The following AKR1E2 variants were observed in gnomAD, a reference collection of about 807,000 sequenced individuals.
AKR1E2 encodes aldo-keto reductase family 1 member E2.
Under a neutral mutation model 41.9 loss-of-function variants are expected in AKR1E2, and 43 were observed. The ratio of observed to expected loss-of-function variants is 1.03; its 90% CI spans 0.80 to 1.32. AKR1E2 has a LOEUF of 1.32. Ranked by LOEUF, AKR1E2 falls within the 40% of genes most tolerant of loss-of-function variation. The probability of loss-of-function intolerance (pLI) is 0.00; values close to 1 mark genes in which losing one functional copy is unlikely to be tolerated. For synonymous variants in AKR1E2, 121 were observed against 138.9 expected, an observed-to-expected ratio of 0.87 and a Z score of 0.91; for missense variants, 423 against 396.5, an observed-to-expected ratio of 1.07 and a Z score of -0.57.
At chr10:4,856,923 C>G in the AKR1E2 span, among the ~76,000 whole-genome samples, 1 of 152,086 alleles carries the variant, frequency 6.6e-6, no homozygotes, top group Non-Finnish European at 1.5e-5. Flanking sequence ...TGTTGTGCAA[C>G]CATCACCATC....
the AKR1E2 span, among the ~76,000 whole-genome samples, chr10:4,869,231 T>G: frequency 6.6e-6 from 1 of 152,194 alleles, no homozygotes; most frequent in Non-Finnish European, 1.5e-5. Flanking sequence ...TCAAATGATC[T>G]ATTTTATGTT....
the AKR1E2 span, among the ~76,000 whole-genome samples, chr10:4,869,872 C>T: frequency 0.22 from 33,073 of 151,674 alleles, 3,810 homozygotes; most frequent in Middle Eastern, 0.34. Flanking sequence ...TAACATACTC[C>T]GTATAATTTC....
chr10:4,858,884 C>T, the AKR1E2 span, among the ~76,000 whole-genome samples: 5 of 142,412 alleles, frequency 3.5e-5, no homozygotes, highest in South Asian at 2.2e-4. Flanking sequence ...AGTACAGTGG[C>T]GTGATCTCAG....
At chr10:4,854,645 G>C in the AKR1E2 span, among the ~76,000 whole-genome samples, 1 of 152,118 alleles carries the variant, frequency 6.6e-6, no homozygotes, top group Admixed American at 6.5e-5. Context: ...ATACTGAGGA[G>C]ACCTCCCACC....
intron 6 of AKR1E2, 97 bp downstream of exon 6, chr10:4,839,923 G>A: frequency 8.8e-7 from 1 of 1,132,134 alleles, no homozygotes; most frequent in Non-Finnish European, 1.3e-6. Flanking sequence ...GCTTAATGGA[G>A]GTTTTGACAG....
chr10:4,859,600 C>T, the AKR1E2 span, among the ~76,000 whole-genome samples: 2 of 152,204 alleles, frequency 1.3e-5, no homozygotes, highest in Admixed American at 1.3e-4. Context: ...GGATACAATT[C>T]TGCCCGCACT....
rs74694606 is a variant in AKR1E2 at position 4,843,727 on chromosome 10, A to C, written c.837+1223A>C. On this transcript the variant is annotated intron_variant, in intron 8 of 9. Transcript: ENST00000298375. ...CTGCCATTGGCAGGAGAGGCAGGCC[A>C]CCCACGATGGGAGGACCAGGGGATG... 4.1e-4 allele frequency among the ~76,000 whole-genome samples: 63 copies of C among 152,300 alleles called. No homozygotes were observed. The South Asian group carries it at 0.013, about 31-fold the overall frequency.
chr10:4,847,043 T>C lies in AKR1E2; in HGVS notation c.838-105T>C, dbSNP rs1378344430. The C allele has an allele frequency of 1.7e-5, 21 of 1,243,064 alleles. No individual in the cohort carries two copies. In the Admixed American group the frequency reaches 4.0e-4, roughly 24 times the overall value. 77.0% of individuals were successfully genotyped at this position (1,243,064 alleles called of 1,614,324 possible). A position where few individuals can be genotyped will look rare whatever the true frequency, so the allele number is the denominator to read the frequency against. The stretch of plus-strand genomic sequence containing the variant: ...TGTCTGATGAAGTGTTTGTTTTACA[T>C]CTTTGTGTCCCTTGCAGGTCTAGCA... On this transcript the variant is annotated intron_variant, in intron 8 of 9. Coordinates refer to ENST00000298375, the MANE Select transcript of AKR1E2 (RefSeq NM_001040177.3).
chr10:4,825,101 C>T (rs540081783), upstream of AKR1E2: 38 of 437,824 alleles, frequency 8.7e-5, no homozygotes, highest in South Asian at 3.5e-4. Flanking sequence ...CCCCTTCCCA[C>T]CTGTGAGGAG....
intron 1 of AKR1E2, 121 bp from the exon 2 acceptor site, chr10:4,830,554 A>T: frequency 9.3e-7 from 1 of 1,073,506 alleles, no homozygotes; most frequent in Non-Finnish European, 1.4e-6. Flanking sequence ...TGATTATACT[A>T]GTACCAAATT....
the AKR1E2 span, among the ~76,000 whole-genome samples, chr10:4,854,601 A>G: frequency 2.0e-5 from 3 of 152,106 alleles, no homozygotes; most frequent in Admixed American, 1.3e-4. Flanking sequence ...GGTGGGGTCC[A>G]GTAACATTTT....
chr10:4,858,707 A>G, the AKR1E2 span, among the ~76,000 whole-genome samples: 1 of 152,124 alleles, frequency 6.6e-6, no homozygotes, highest in Non-Finnish European at 1.5e-5. Flanking sequence ...GCACTAGGGG[A>G]GTAGCAATTC....
At chr10:4,861,890 C>A in the AKR1E2 span, among the ~76,000 whole-genome samples, 1 of 152,112 alleles carries the variant, frequency 6.6e-6, no homozygotes, top group South Asian at 2.1e-4. Context: ...TGCCTGTTCA[C>A]TCTGATGGTA....
At chr10:4,847,392 C>A (rs1834412056) in intron 9 of AKR1E2, 96 bp from the exon 10 acceptor site, 2 of 1,529,012 alleles carry the variant, frequency 1.3e-6, no homozygotes, top group East Asian at 4.6e-5. Context: ...TAATTTCATG[C>A]ACTGGGGAGT....
At position 4,826,306 on chromosome 10, in the gene AKR1E2, G is replaced by GGGGCGGCC. The variant is rs1244656245; in HGVS notation, c.-16_-9dup. On this transcript the variant is annotated 5_prime_UTR_variant, in exon 1 of 10. Transcript: ENST00000298375. Reference sequence around the variant, plus strand: ...GTCGCGTGCGGGGCGGCGGGGCGGCGGGGCGGCCGGCGGCGGCCATGGGAG... The same window carrying GGGGCGGCC: ...GTCGCGTGCGGGGCGGCGGGGCGGCGGGGCGGCCGGGCGGCCGGCGGCGGCCATGGGAG... 4.9e-6 allele frequency: 6 copies of GGGGCGGCC among 1,232,524 alleles called. 1 individual carries two copies. Among genetic ancestry groups the GGGGCGGCC allele is most frequent in the African/African-American group, 1.6e-5 (1 of 64,066 alleles). The allele number at this position is 1,232,524 out of a possible 1,614,324, so 76.3% of individuals were successfully genotyped here.
upstream of AKR1E2, among the ~76,000 whole-genome samples, chr10:4,825,932 G>A (rs995894478): frequency 6.6e-6 from 1 of 152,210 alleles, no homozygotes; most frequent in Non-Finnish European, 1.5e-5. Flanking sequence ...CTAAGGTGGG[G>A]GCGTGAGCGG....
the AKR1E2 span, among the ~76,000 whole-genome samples, chr10:4,860,033 T>C: frequency 4.6e-5 from 7 of 152,322 alleles, no homozygotes; most frequent in Non-Finnish European, 1.0e-4. Flanking sequence ...CCAGTGTCTG[T>C]CTATCTATTG....
chr10:4,841,348 A>G (rs1833855656), intron 6 of AKR1E2, among the ~76,000 whole-genome samples: 1 of 152,214 alleles, frequency 6.6e-6, no homozygotes, highest in African/African-American at 2.4e-5. Flanking sequence ...CCACGTGTTC[A>G]CAATATTCAC....
chr10:4,872,842 G>A, the AKR1E2 span, among the ~76,000 whole-genome samples: 1 of 152,164 alleles, frequency 6.6e-6, no homozygotes, highest in South Asian at 2.1e-4. Flanking sequence ...TAGAGAGAAA[G>A]GCTCTTCTAG....
Sources: gnomAD v4.1 joint callset for allele counts (sites outside exome capture counted in the v4.1 genomes callset) on GRCh38, gnomAD v4.1.1 for gene constraint, MANE v1.5 for transcripts, NCBI Gene and HGNC (gene_info 2026-07-23, HGNC 2026-07-21) for gene names.